EIF4G3: variants seen among roughly 807,000 people sequenced by gnomAD.
The protein encoded by EIF4G3 is eukaryotic translation initiation factor 4 gamma 3.
Under a neutral mutation model 186.4 loss-of-function variants are expected in EIF4G3, and 34 were observed. The ratio of observed to expected loss-of-function variants is 0.18; its 90% confidence interval spans 0.14 to 0.24. EIF4G3 has a LOEUF of 0.24. EIF4G3 is among the 10% of genes least tolerant of loss of function. The pLI is 1.00. For synonymous variants in EIF4G3, 673 were observed against 679.5 expected, an observed-to-expected ratio of 0.99 and a Z score of 0.15; for missense variants, 1,536 against 1,948.5, an observed-to-expected ratio of 0.79 and a Z score of 3.99.
At chr1:21,025,446 A>AG (rs1470803240) in intron 4 of EIF4G3, among the ~76,000 whole-genome samples, 1 of 152,114 alleles carries the variant, frequency 6.6e-6, no homozygotes, top group Admixed American at 6.5e-5. Flanking sequence ...GGATCTCGAC[A>AG]GAAAAAAAAA....
intron 2 of EIF4G3, among the ~76,000 whole-genome samples, chr1:21,120,016 A>G (rs2096899104): frequency 6.6e-6 from 1 of 151,934 alleles, no homozygotes; most frequent in Non-Finnish European, 1.5e-5. Flanking sequence ...TTATGAAAAC[A>G]TATGATGAAG....
chr1:21,009,913 A>T (rs1322894586), intron 4 of EIF4G3, among the ~76,000 whole-genome samples: 1 of 152,066 alleles, frequency 6.6e-6, no homozygotes, highest in Admixed American at 6.5e-5. Context: ...TCGGCCTCCC[A>T]AAGTGCTGGG....
intron 16 of EIF4G3, among the ~76,000 whole-genome samples, chr1:20,896,555 A>G (rs147830506): frequency 1.3e-5 from 2 of 152,296 alleles, no homozygotes; most frequent in African/African-American, 4.8e-5. Flanking sequence ...AAAATTAAAA[A>G]GCTTATCAAG....
At chr1:21,095,840 G>T (rs1481398647) in intron 2 of EIF4G3, among the ~76,000 whole-genome samples, 3 of 150,918 alleles carry the variant, frequency 2.0e-5, no homozygotes, top group African/African-American at 7.3e-5. Context: ...TGCAACAATG[G>T]CTGCTGACTA....
chr1:20,834,388 T>C (rs2066150129), intron 30 of EIF4G3, among the ~76,000 whole-genome samples: 1 of 152,022 alleles, frequency 6.6e-6, no homozygotes, highest in African/African-American at 2.4e-5. Flanking sequence ...CAGTGAGCCT[T>C]GATTGCGCCA....
chr1:21,084,231 TAAA>T (rs763945357), intron 3 of EIF4G3, among the ~76,000 whole-genome samples: 3 of 131,242 alleles, frequency 2.3e-5, no homozygotes, highest in Admixed American at 7.7e-5. Context: ...CTGTGTAATT[TAAA>T]AAAAAAAAAA....
intron 30 of EIF4G3, among the ~76,000 whole-genome samples, chr1:20,833,620 C>T (rs1217856962): frequency 6.6e-6 from 1 of 152,142 alleles, no homozygotes; most frequent in Non-Finnish European, 1.5e-5. Flanking sequence ...CCTAATTGCC[C>T]TGGCCAGAAC....
intron 4 of EIF4G3, among the ~76,000 whole-genome samples, chr1:21,015,151 A>G (rs1255746651): frequency 6.6e-6 from 1 of 152,180 alleles, no homozygotes; most frequent in Non-Finnish European, 1.5e-5. Flanking sequence ...TCACTAGAAG[A>G]GTACAAAAGC....
chr1:21,147,987 G>C (rs10218584), intron 2 of EIF4G3, among the ~76,000 whole-genome samples: 76,279 of 152,044 alleles, frequency 0.5, 19,886 homozygotes, highest in East Asian at 0.76. Context: ...GTTCACACCT[G>C]TTGACTCAGT....
intron 4 of EIF4G3, among the ~76,000 whole-genome samples, chr1:21,038,566 T>C (rs2093375650): frequency 6.6e-6 from 1 of 152,178 alleles, no homozygotes; most frequent in South Asian, 2.1e-4. Context: ...TTCTCATTCA[T>C]TTGTCACACG....
At chr1:20,822,794 T>C (rs967453280) in intron 33 of EIF4G3, among the ~76,000 whole-genome samples, 2 of 152,138 alleles carry the variant, frequency 1.3e-5, no homozygotes, top group Non-Finnish European at 2.9e-5. Context: ...ATCGATGATA[T>C]GTTGTGGTTT....
intron 7 of EIF4G3, among the ~76,000 whole-genome samples, chr1:20,992,925 G>A (rs1266885493): frequency 2.0e-5 from 3 of 152,138 alleles, no homozygotes; most frequent in Admixed American, 2.0e-4. Context: ...ATAATTCTGA[G>A]TGTACTTTCT....
At chr1:21,054,792 T>C (rs1482307645) in intron 3 of EIF4G3, among the ~76,000 whole-genome samples, 1 of 151,734 alleles carries the variant, frequency 6.6e-6, no homozygotes, top group Non-Finnish European at 1.5e-5. Context: ...TATAAACATC[T>C]TCAGGATCAG....
At chr1:21,086,119 GAAAT>G (rs2095965439) in intron 3 of EIF4G3, among the ~76,000 whole-genome samples, 1 of 149,860 alleles carries the variant, frequency 6.7e-6, no homozygotes, top group African/African-American at 2.5e-5. Context: ...TGGGGCTGCA[GAAAT>G]AATTAATTGA....
At chr1:21,014,104 G>GGCTGCAGTGAGCCGAGATCATGCC (rs2088076212) in intron 4 of EIF4G3, among the ~76,000 whole-genome samples, 1 of 152,158 alleles carries the variant, frequency 6.6e-6, no homozygotes, top group African/African-American at 2.4e-5. Context: ...GGGAGGTGGA[G>GGCTGCAGTGAGCCGAGATCATGCC]GCTGCAGTGA....
chr1:21,083,073 A>AAAAAAG (rs2095845076), intron 3 of EIF4G3, among the ~76,000 whole-genome samples: 1 of 135,402 alleles, frequency 7.4e-6, no homozygotes, highest in African/African-American at 2.7e-5. Flanking sequence ...AAAAAAAAAA[A>AAAAAAG]GTTTAAAAAA....
rs35731992 is a variant in EIF4G3, at chr1:20,941,853, T to C, written c.1301A>G (p.Gln434Arg). The change falls in exon 14 of 37, where the codon CAG (glutamine) becomes CGG (arginine). Residue 434 changes from glutamine to arginine, a missense_variant. Transcript: ENST00000602326. Reference sequence around the variant, plus strand: ...TTCAAGAGTCAATGGCAATACTTCCTGTTTTACTATTTCCACAATGCTCTC... The same window carrying C: ...TTCAAGAGTCAATGGCAATACTTCCCGTTTTACTATTTCCACAATGCTCTC... ...ATESIVEIVK[Q>R]EVLPLTLELE... 502 of 1,614,210 alleles carry C rather than the reference T, an allele frequency of 3.1e-4. 3 individuals carry two copies. The African/African-American group carries it at 4.5e-3, about 15-fold the overall frequency.
Position 21,142,737 on chromosome 1 carries a change from T to A in EIF4G3, c.-272+33438A>T, listed in dbSNP as rs557722792. Among the ~76,000 whole-genome samples, 7 of 152,210 alleles carry A rather than the reference T, an allele frequency of 4.6e-5. No individual in the cohort carries two copies. The South Asian group carries it at 1.4e-3, about 32-fold the overall frequency. On this transcript the variant is annotated intron_variant, in intron 2 of 36. Coordinates refer to ENST00000602326, the MANE Select transcript of EIF4G3 (RefSeq NM_001391906.1). ...CATTTTGATCTGCTTCTATAATTTATCCCCAAAAATATCCATTCAAGTAAA... is the reference window on the plus strand; with the variant it reads ...CATTTTGATCTGCTTCTATAATTTAACCCCAAAAATATCCATTCAAGTAAA...
chr1:20,815,554 C>T (rs1314592368), intron 34 of EIF4G3, among the ~76,000 whole-genome samples: 8 of 152,088 alleles, frequency 5.3e-5, no homozygotes, highest in Admixed American at 2.6e-4. Context: ...GCAACCGCCC[C>T]GTCTGAGAAG....
Sources: allele counts gnomAD v4.1 joint callset (sites outside exome capture counted in the v4.1 genomes callset), GRCh38; gene constraint gnomAD v4.1.1; transcripts MANE v1.5; gene names NCBI Gene and HGNC (gene_info 2026-07-23, HGNC 2026-07-21).